HORMAD2: variants seen among roughly 807,000 people sequenced by gnomAD.
The protein encoded by HORMAD2 is HORMA domain containing 2.
A neutral mutation model predicts 38.8 loss-of-function variants in HORMAD2; 45 were observed. That is an observed-to-expected ratio of 1.16 (90% CI 0.91 to 1.49). HORMAD2 has a LOEUF of 1.49. HORMAD2 is among the 40% of genes most tolerant of loss of function. The pLI is 0.00. For missense variants in HORMAD2, 338 were observed against 367.0 expected, an observed-to-expected ratio of 0.92 and a Z score of 0.65; for synonymous variants, 126 against 122.8, an observed-to-expected ratio of 1.03 and a Z score of -0.17.
intron 1 of HORMAD2, among the ~76,000 whole-genome samples, chr22:30,089,374 A>T (rs1358785437): frequency 6.8e-6 from 1 of 146,262 alleles, no homozygotes; most frequent in Non-Finnish European, 1.5e-5. Flanking sequence ...TTTTTTTGAG[A>T]TGGAGTCTGG....
At chr22:30,083,493 C>T (rs1348194049) in intron 1 of HORMAD2, among the ~76,000 whole-genome samples, 3 of 152,184 alleles carry the variant, frequency 2.0e-5, no homozygotes, top group Admixed American at 2.0e-4. Context: ...TCTCTAGAGT[C>T]ATACCTCCTG....
At chr22:30,175,607 A>G (rs1383921192) in intron 10 of HORMAD2, among the ~76,000 whole-genome samples, 3 of 152,090 alleles carry the variant, frequency 2.0e-5, no homozygotes, top group Admixed American at 2.0e-4. Context: ...ACTCCTCAGT[A>G]GAAAGGTTAT....
At position 30,136,772 on chromosome 22, in the gene HORMAD2, A is replaced by G. The variant is rs552290540; in HGVS notation, c.819+14558A>G. ...CTTTTTCAAAACTACTACCTTCACC[A>G]TGAAGCTACATGAGTTTTCCCAATT... On this transcript the variant is annotated intron_variant, in intron 10 of 10. Transcript: ENST00000336726. The G allele has an allele frequency of 2.0e-5, 4 of 197,976 alleles. No individual in the cohort carries two copies. In the East Asian group the frequency reaches 3.8e-4, roughly 19 times the overall value. 12.3% of individuals were successfully genotyped at this position (197,976 alleles called of 1,614,324 possible). A position where few individuals can be genotyped will look rare whatever the true frequency, so the allele number is the denominator to read the frequency against.
chr22:30,168,344 G>A (rs113862640), intron 10 of HORMAD2, among the ~76,000 whole-genome samples: 12 of 151,948 alleles, frequency 7.9e-5, no homozygotes, highest in African/African-American at 2.2e-4. Flanking sequence ...TCATTCCTTC[G>A]GACCTCAGAA....
downstream of HORMAD2, among the ~76,000 whole-genome samples, chr22:30,181,323 A>G (rs938413019): frequency 2.6e-5 from 4 of 151,860 alleles, no homozygotes; most frequent in Non-Finnish European, 4.4e-5. Flanking sequence ...TTGGATTTCT[A>G]TGCTGCTTTT....
upstream of HORMAD2, among the ~76,000 whole-genome samples, chr22:30,079,043 C>G (rs1377003200): frequency 2.0e-5 from 3 of 152,058 alleles, no homozygotes; most frequent in African/African-American, 7.2e-5. Context: ...AAAACTTGCA[C>G]TAAAAGAATA....
intron 6 of HORMAD2, among the ~76,000 whole-genome samples, chr22:30,112,021 A>T (rs1334924296): frequency 1.3e-5 from 2 of 152,104 alleles, no homozygotes; most frequent in Non-Finnish European, 2.9e-5. Flanking sequence ...GGGAAAATGT[A>T]TAGGCTATAC....
At chr22:30,170,508 G>A (rs1399982568) in intron 10 of HORMAD2, among the ~76,000 whole-genome samples, 1 of 152,060 alleles carries the variant, frequency 6.6e-6, no homozygotes, top group Non-Finnish European at 1.5e-5. Flanking sequence ...AAATTCCAGG[G>A]GAATTTACAT....
chr22:30,116,694 G>C (rs902663575), intron 7 of HORMAD2, among the ~76,000 whole-genome samples: 2 of 152,124 alleles, frequency 1.3e-5, no homozygotes, highest in African/African-American at 4.8e-5. Flanking sequence ...TTAAGGATTA[G>C]CATCTTCTGT....
intron 10 of HORMAD2, among the ~76,000 whole-genome samples, chr22:30,127,582 A>G (rs1281915111): frequency 1.3e-5 from 2 of 152,206 alleles, no homozygotes; most frequent in East Asian, 3.9e-4. Context: ...AGTTCAAGCC[A>G]TCTGCTGGCC....
At chr22:30,162,420 A>G (rs1925504097) in intron 10 of HORMAD2, among the ~76,000 whole-genome samples, 1 of 152,106 alleles carries the variant, frequency 6.6e-6, no homozygotes, top group East Asian at 1.9e-4. Flanking sequence ...GGCTAGTTTG[A>G]ATTGAAATGT....
At chr22:30,111,737 G>A in intron 5 of HORMAD2, 59 bp from the exon 6 acceptor site, 1 of 1,319,272 alleles carries the variant, frequency 7.6e-7, no homozygotes, top group Non-Finnish European at 1.0e-6. Context: ...CTATTGAAAA[G>A]AATGATAATA....
intron 10 of HORMAD2, chr22:30,136,985 C>CTGTT: frequency 2.0e-6 from 1 of 508,800 alleles, no homozygotes; most frequent in East Asian, 3.6e-5. Flanking sequence ...TTTGGCAGAC[C>CTGTT]TGTTAGTGTC....
intron 1 of HORMAD2, among the ~76,000 whole-genome samples, chr22:30,092,853 CT>C (rs1294107163): frequency 6.6e-6 from 1 of 151,994 alleles, no homozygotes; most frequent in Non-Finnish European, 1.5e-5. Context: ...CTATGTATCT[CT>C]TTTTATACCA....
intron 10 of HORMAD2, chr22:30,137,770 A>T (rs1238505499): frequency 1.3e-5 from 2 of 153,898 alleles, no homozygotes; most frequent in African/African-American, 4.8e-5. Flanking sequence ...TTATGGCTGA[A>T]TAATACTCCA....
At chr22:30,141,033 T>C (rs905656066) in intron 10 of HORMAD2, among the ~76,000 whole-genome samples, 32 of 152,188 alleles carry the variant, frequency 2.1e-4, no homozygotes, top group African/African-American at 5.5e-4. Flanking sequence ...TCTCTCTCTC[T>C]GTCACCCAGG....
chr22:30,086,358 A>G (rs770377096), intron 1 of HORMAD2, among the ~76,000 whole-genome samples: 29 of 152,128 alleles, frequency 1.9e-4, no homozygotes, highest in Non-Finnish European at 4.0e-4. Context: ...CACCATATCT[A>G]TGAGATGAGT....
At chr22:30,142,592 CT>C (rs1374620398) in intron 10 of HORMAD2, among the ~76,000 whole-genome samples, 1 of 151,868 alleles carries the variant, frequency 6.6e-6, no homozygotes, top group Non-Finnish European at 1.5e-5. Flanking sequence ...CAGGTTGATC[CT>C]TTTATTATCC....
chr22:30,141,861 C>A (rs1252917215), intron 10 of HORMAD2, among the ~76,000 whole-genome samples: 2 of 152,172 alleles, frequency 1.3e-5, no homozygotes, highest in African/African-American at 2.4e-5. Context: ...TCCCAAAGTG[C>A]TGAGATTACA....
Sources: allele counts gnomAD v4.1 joint callset (sites outside exome capture counted in the v4.1 genomes callset), GRCh38; gene constraint gnomAD v4.1.1; transcripts MANE v1.5; gene names NCBI Gene and HGNC (gene_info 2026-07-23, HGNC 2026-07-21).